SLURP1: variants seen among roughly 807,000 people sequenced by gnomAD.
SLURP1 encodes secreted Ly-6/uPAR-related protein 1.
A neutral mutation model predicts 7.9 loss-of-function variants in SLURP1; 2 were observed. That is an observed-to-expected ratio of 0.25 (90% CI 0.10 to 0.79). The LOEUF (loss-of-function observed/expected upper bound fraction) is 0.79. Among genes scored for constraint, SLURP1 ranks in the 30% least tolerant of loss-of-function variants. The probability of loss-of-function intolerance (pLI) is 0.69; values close to 1 mark genes in which losing one functional copy is unlikely to be tolerated. For synonymous variants in SLURP1, 59 were observed against 54.9 expected (o/e 1.07, Z -0.33); for missense variants, 111 against 139.8 (o/e 0.79, Z 1.04).
At position 142,740,989 on chromosome 8, in the gene SLURP1, G is replaced by A. The variant is rs1815853219; in HGVS notation, c.*154C>T. Reference sequence around the variant, plus strand: ...GTTTTATAAGCGTGGGGTATGGAAGGCAGAGGGCGCCCCTGGTGTGCTTCT... The same window carrying A: ...GTTTTATAAGCGTGGGGTATGGAAGACAGAGGGCGCCCCTGGTGTGCTTCT... On this transcript the variant is annotated 3_prime_UTR_variant, in exon 3 of 3. Coordinates refer to ENST00000246515, the MANE Select transcript of SLURP1 (RefSeq NM_020427.3). 2 of 1,090,120 alleles carry A rather than the reference G, an allele frequency of 1.8e-6. No individual in the cohort carries two copies. Among genetic ancestry groups the A allele is most frequent in the Non-Finnish European group, 2.7e-6 (2 of 743,808 alleles). 67.5% of individuals were successfully genotyped at this position (1,090,120 alleles called of 1,614,324 possible).
chr8:142,741,775 C>A lies in SLURP1; in HGVS notation c.178+28G>T. 6.2e-7 allele frequency: 1 copy of A among 1,607,342 alleles called. No homozygotes were observed. ...GGAGGTGGCCCTGACTCCAGTGCACCCAGGGCTGCCGTGGGGCCTGGCCTC... is the reference window on the plus strand; with the variant it reads ...GGAGGTGGCCCTGACTCCAGTGCACACAGGGCTGCCGTGGGGCCTGGCCTC... On this transcript the variant is annotated intron_variant, in intron 2 of 2. Coordinates refer to ENST00000246515, the MANE Select transcript of SLURP1 (RefSeq NM_020427.3). The surrounding 1 kb of genome is among the most constrained non-coding windows in gnomAD (Gnocchi z 4.3).
rs1184753703 is a variant in SLURP1, at chr8:142,741,153, G to C, written c.302C>G (p.Ser101Trp). 1 of 1,605,944 alleles carries C rather than the reference G, an allele frequency of 6.2e-7. No homozygotes were observed. The highest frequency in any genetic ancestry group is 8.5e-7 in the Non-Finnish European group (1 of 1,179,952). The change falls in exon 3 of 3, where the codon TCG (serine) becomes TGG (tryptophan). Residue 101 changes from serine to tryptophan, a missense_variant. Transcript: ENST00000246515. The surrounding 1 kb of genome is among the most constrained non-coding windows in gnomAD (Gnocchi z 4.3). ...CCTGCCGCCCTGGGTTCAGAGTTCC[G>C]AGTTGCAGAGGTCTCGGAAGCAGCA... ...IFCCFRDLCNSEL is the reference protein window; with the variant it reads ...IFCCFRDLCNWEL
Position 142,741,052 on chromosome 8 carries a change from G to T in SLURP1, c.*91C>A. 6.4e-7 allele frequency: 1 copy of T among 1,573,030 alleles called. No individual in the cohort carries two copies. The highest frequency in any genetic ancestry group is 8.6e-7 in the Non-Finnish European group (1 of 1,158,394). On this transcript the variant is annotated 3_prime_UTR_variant, in exon 3 of 3. Transcript: ENST00000246515. The surrounding 1 kb of genome is among the most constrained non-coding windows in gnomAD (Gnocchi z 4.3). ...CCCATGAGTGAGCTGTGCCACAGCAGCAGGAAGCAGGGGGAGGTGATCACA... is the reference window on the plus strand; with the variant it reads ...CCCATGAGTGAGCTGTGCCACAGCATCAGGAAGCAGGGGGAGGTGATCACA...
Position 142,741,959 on chromosome 8 carries a change from C to T in SLURP1, c.59-37G>A. The T allele has an allele frequency of 6.2e-7, 1 of 1,606,554 alleles. No homozygotes were observed. The highest frequency in any genetic ancestry group is 8.5e-7 in the Non-Finnish European group (1 of 1,179,746). On this transcript the variant is annotated intron_variant, in intron 1 of 2. Transcript: ENST00000246515. The surrounding 1 kb of genome is among the most constrained non-coding windows in gnomAD (Gnocchi z 4.3). The stretch of plus-strand genomic sequence containing the variant: ...ATGGGGGCAGAACCTCATCACCTGA[C>T]CTCGGTGGCCTCATCCTGGAACCAG...
At position 142,741,715 on chromosome 8, in the gene SLURP1, G is replaced by C; in HGVS notation, c.178+88C>G. On this transcript the variant is annotated intron_variant, in intron 2 of 2. Coordinates refer to ENST00000246515, the MANE Select transcript of SLURP1 (RefSeq NM_020427.3). The surrounding 1 kb of genome is among the most constrained non-coding windows in gnomAD (Gnocchi z 4.3). Reference sequence around the variant, plus strand: ...CATCCCACCTGCTGCCTTTTGGGCCGGGAGGAGCACCAGCAAAGGAGGGAG... The same window carrying C: ...CATCCCACCTGCTGCCTTTTGGGCCCGGAGGAGCACCAGCAAAGGAGGGAG... 1.9e-6 allele frequency: 3 copies of C among 1,590,614 alleles called. No individual in the cohort carries two copies. The highest frequency in any genetic ancestry group is 3.3e-5 in the Admixed American group (2 of 59,770).
In SLURP1 at chr8:142,741,785, C is replaced by T. The variant is rs758692071; in HGVS notation, c.178+18G>A. ...CTGACTCCAGTGCACCCAGGGCTGC[C>T]GTGGGGCCTGGCCTCACCTGCCTCC... On this transcript the variant is annotated intron_variant, in intron 2 of 2. Transcript: ENST00000246515. This position sits in a 1 kb window ranked among gnomAD's most constrained non-coding sequence, Gnocchi z 4.3. 1.4e-5 allele frequency: 22 copies of T among 1,609,038 alleles called. No homozygotes were observed. In the East Asian group the frequency reaches 1.8e-4, roughly 13 times the overall value.
chr8:142,741,935 T>TG lies in SLURP1; in HGVS notation c.59-14dup, dbSNP rs775609483. On this transcript the variant is annotated splice_polypyrimidine_tract_variant and intron_variant, in intron 1 of 2. Transcript: ENST00000246515. This position sits in a 1 kb window ranked among gnomAD's most constrained non-coding sequence, Gnocchi z 4.3. ...TTGAGGGCCTCACCTGGGTGAGGGA[T>TG]GGGGGCAGAACCTCATCACCTGACC... The TG allele has an allele frequency of 6.2e-7, 1 of 1,610,876 alleles. No individual in the cohort carries two copies. The highest frequency in any genetic ancestry group is 1.1e-5 in the South Asian group (1 of 91,054).
intron 1 of SLURP1, 139 bp from the exon 2 acceptor site, chr8:142,742,061 T>A (rs1034746772): frequency 7.2e-7 from 1 of 1,380,596 alleles, no homozygotes; most frequent in Non-Finnish European, 9.9e-7. Flanking sequence ...TCTGGCAGCT[T>A]TCTCTAACTG....
chr8:142,742,317 G>A lies in SLURP1; in HGVS notation c.58+11C>T, dbSNP rs772228561. The A allele has an allele frequency of 4.3e-5, 69 of 1,612,556 alleles. No individual in the cohort carries two copies. The highest frequency in any genetic ancestry group is 1.6e-4 in the Middle Eastern group (1 of 6,064). ...AGAGGCAGGGTCCCCACCAGCCTGC[G>A]GCCCACTCACCACAGCCCATGCTCC... is the stretch of plus-strand genomic sequence containing the variant. On this transcript the variant is annotated intron_variant, in intron 1 of 2. Transcript: ENST00000246515.
At chr8:142,742,212 C>T (rs1815882709) in intron 1 of SLURP1, 116 bp downstream of exon 1, 2 of 1,183,556 alleles carry the variant, frequency 1.7e-6, no homozygotes, top group Non-Finnish European at 2.5e-6. Flanking sequence ...GAGGGTGAGC[C>T]TCATGGAGGC....
chr8:142,742,402 GTGA>G lies in SLURP1; in HGVS notation c.-20_-18del, dbSNP rs1815886308. The G allele has an allele frequency of 1.2e-6, 2 of 1,612,658 alleles. No homozygotes were observed. Among genetic ancestry groups the G allele is most frequent in the Non-Finnish European group, 1.7e-6 (2 of 1,179,852 alleles). On this transcript the variant is annotated 5_prime_UTR_variant, in exon 1 of 3. Coordinates refer to ENST00000246515, the MANE Select transcript of SLURP1 (RefSeq NM_020427.3). ...AGAGGCCATTGCTCCGTGCTCAGAA[GTGA>G]TGAGAGGTAGCCAGCCTCACATCAA...
In SLURP1 at chr8:142,741,098, G is replaced by C. The variant is rs1815856836; in HGVS notation, c.*45C>G. On this transcript the variant is annotated 3_prime_UTR_variant, in exon 3 of 3. Transcript: ENST00000246515. The surrounding 1 kb of genome is among the most constrained non-coding windows in gnomAD (Gnocchi z 4.3). ...TCACAGGTGGAGCCAGGCCCCGTCA[G>C]AGAGGAGGTGCCTGAGGAGCACCTT... is the stretch of plus-strand genomic sequence containing the variant. The C allele has an allele frequency of 1.9e-6, 3 of 1,598,968 alleles. No homozygotes were observed. The highest frequency in any genetic ancestry group is 2.5e-6 in the Non-Finnish European group (3 of 1,179,676).
chr8:142,741,836 C>T lies in SLURP1; in HGVS notation c.145G>A (p.Ala49Thr). Reference protein sequence around the residue: ...TITRCKPEDTACMTTLVTVEA... With the variant: ...TITRCKPEDTTCMTTLVTVEA... ...ACCGTCACCAGCGTGGTCATGCAGG[C>T]TGTGTCCTCTGGCTTGCAGCGGGTA... The change falls in exon 2 of 3, where the codon GCC becomes ACC. Residue 49 changes from alanine to threonine, a missense_variant. Coordinates refer to ENST00000246515, the MANE Select transcript of SLURP1 (RefSeq NM_020427.3). The surrounding 1 kb of genome is among the most constrained non-coding windows in gnomAD (Gnocchi z 4.3). 3 of 1,613,110 alleles carry T rather than the reference C, an allele frequency of 1.9e-6. No homozygotes were observed. Among genetic ancestry groups the T allele is most frequent in the Non-Finnish European group, 2.5e-6 (3 of 1,179,996 alleles).
Position 142,741,984 on chromosome 8 carries a change from G to C in SLURP1, c.59-62C>G. ...CCTCGGTGGCCTCATCCTGGAACCA[G>C]GAGGCAGGGGCTGAAGGAGTCTCGC... On this transcript the variant is annotated intron_variant, in intron 1 of 2. Transcript: ENST00000246515. This position sits in a 1 kb window ranked among gnomAD's most constrained non-coding sequence, Gnocchi z 4.3. 1 of 1,600,702 alleles carries C rather than the reference G, an allele frequency of 6.2e-7. No homozygotes were observed. The highest frequency in any genetic ancestry group is 1.7e-5 in the Admixed American group (1 of 59,764).
At chr8:142,742,163 A>G (rs1815882026) in intron 1 of SLURP1, among the ~76,000 whole-genome samples, 165 bp downstream of exon 1, 1 of 152,100 alleles carries the variant, frequency 6.6e-6, no homozygotes, top group South Asian at 2.1e-4. Context: ...CCCAGGGTGA[A>G]GCTGGGCTCT....
rs1413614532 is a variant in SLURP1, at chr8:142,741,522, C to T, written c.179-246G>A. Among the ~76,000 whole-genome samples the T allele has an allele frequency of 6.6e-6, 1 of 152,218 alleles. No homozygotes were observed. Among genetic ancestry groups the T allele is most frequent in the Non-Finnish European group, 1.5e-5 (1 of 68,038 alleles). The stretch of plus-strand genomic sequence containing the variant: ...AGCCCGAGCCCAGAGGCTGTGGCAA[C>T]ACCACCCAGTGGGTCTGTGTCAGAG... On this transcript the variant is annotated intron_variant, in intron 2 of 2. Coordinates refer to ENST00000246515, the MANE Select transcript of SLURP1 (RefSeq NM_020427.3). The surrounding 1 kb of genome is among the most constrained non-coding windows in gnomAD (Gnocchi z 4.3).
In SLURP1 at chr8:142,741,940, G is replaced by A. The variant is rs373717986; in HGVS notation, c.59-18C>T. The A allele has an allele frequency of 1.1e-5, 18 of 1,610,324 alleles. No individual in the cohort carries two copies. The highest frequency in any genetic ancestry group is 1.5e-5 in the Non-Finnish European group (18 of 1,179,922). On this transcript the variant is annotated intron_variant, in intron 1 of 2. Coordinates refer to ENST00000246515, the MANE Select transcript of SLURP1 (RefSeq NM_020427.3). The surrounding 1 kb of genome is among the most constrained non-coding windows in gnomAD (Gnocchi z 4.3). ...GGCCTCACCTGGGTGAGGGATGGGG[G>A]CAGAACCTCATCACCTGACCTCGGT...
In SLURP1 at chr8:142,741,312, C is replaced by A; in HGVS notation, c.179-36G>T. Reference sequence around the variant, plus strand: ...GGCCAGTGTCAGAACCCTCACTCCCCTGCAGCGCCTGCCTGCTGCTGCACT... The same window carrying A: ...GGCCAGTGTCAGAACCCTCACTCCCATGCAGCGCCTGCCTGCTGCTGCACT... On this transcript the variant is annotated intron_variant, in intron 2 of 2. Coordinates refer to ENST00000246515, the MANE Select transcript of SLURP1 (RefSeq NM_020427.3). This position sits in a 1 kb window ranked among gnomAD's most constrained non-coding sequence, Gnocchi z 4.3. 6.5e-7 allele frequency: 1 copy of A among 1,548,332 alleles called. No homozygotes were observed. The highest frequency in any genetic ancestry group is 2.4e-5 in the East Asian group (1 of 41,832).
Position 142,741,693 on chromosome 8 carries a change from C to T in SLURP1, c.178+110G>A. The T allele has an allele frequency of 6.4e-7, 1 of 1,553,746 alleles. No homozygotes were observed. The highest frequency in any genetic ancestry group is 8.7e-7 in the Non-Finnish European group (1 of 1,145,104). On this transcript the variant is annotated intron_variant, in intron 2 of 2. Coordinates refer to ENST00000246515, the MANE Select transcript of SLURP1 (RefSeq NM_020427.3). The surrounding 1 kb of genome is among the most constrained non-coding windows in gnomAD (Gnocchi z 4.3). ...AGGTGTGGCAGCCTGTTCTGCCCAT[C>T]CCACCTGCTGCCTTTTGGGCCGGGA... is the stretch of plus-strand genomic sequence containing the variant.
Sources: allele counts gnomAD v4.1 joint callset (sites outside exome capture counted in the v4.1 genomes callset), GRCh38; gene constraint gnomAD v4.1.1; non-coding constraint Gnocchi (gnomAD v3.1); transcripts MANE v1.5; gene names NCBI Gene and HGNC (gene_info 2026-07-23, HGNC 2026-07-21).